Variants in DIAPH2 observed in about 807,000 individuals in gnomAD.
DIAPH2 encodes protein diaphanous homolog 2.
DIAPH2 carries 35 observed loss-of-function variants against 92.7 expected under a neutral mutation model. The ratio of observed to expected loss-of-function variants is 0.38; its 90% CI spans 0.29 to 0.50. DIAPH2 has a LOEUF of 0.50. Ranked by LOEUF, DIAPH2 falls within the 20% of genes least tolerant of loss-of-function variation. The pLI is 0.94. For synonymous variants in DIAPH2, 301 were observed against 280.4 expected (o/e 1.07, Z -0.73); for missense variants, 701 against 819.5 (o/e 0.86, Z 1.77).
At chrX:97,507,571 T>C (rs1479291112) in intron 26 of DIAPH2, among the ~76,000 whole-genome samples, 2 of 111,795 alleles carry the variant, frequency 1.8e-5, no homozygotes, top group African/African-American at 3.2e-5. Flanking sequence ...GAAAGCTTTC[T>C]GAAATGGTGA....
chrX:96,809,593 G>C lies in DIAPH2; in HGVS notation c.447+51335G>C, dbSNP rs192120597. Among the ~76,000 whole-genome samples the C allele has an allele frequency of 9.3e-5, 10 of 108,088 alleles. No individual in the cohort carries two copies. In the Admixed American group the frequency reaches 9.9e-4, roughly 11 times the overall value. 93.9% of individuals were successfully genotyped at this position (108,088 alleles called of 115,157 possible). ...GCAGGTTTGTTACACAGGTATACAT[G>C]TGCCATGTTGGTTTGCTGCACCCAT... On this transcript the variant is annotated intron_variant, in intron 4 of 26. Transcript: ENST00000324765.
chrX:97,396,020 AGAGCAGGTAAGTG>A (rs2069700319), intron 25 of DIAPH2, among the ~76,000 whole-genome samples: 1 of 112,532 alleles, frequency 8.9e-6, no homozygotes, highest in African/African-American at 3.2e-5. Context: ...TGAAAATATT[AGAGCAGGTAAGTG>A]AAAACAATAA....
intron 4 of DIAPH2, among the ~76,000 whole-genome samples, chrX:96,850,992 G>A (rs376353586): frequency 1.9e-4 from 21 of 112,061 alleles, no homozygotes; most frequent in African/African-American, 6.8e-4. Context: ...ATTCTACAGT[G>A]AGGTACAATG....
At chrX:96,882,736 C>T (rs778603325) in intron 5 of DIAPH2, among the ~76,000 whole-genome samples, 10 of 109,689 alleles carry the variant, frequency 9.1e-5, no homozygotes, top group Admixed American at 8.8e-4. Context: ...GCAAGTGGAT[C>T]GCTTGAGTCC....
chrX:96,901,782 G>A (rs1403008064), intron 5 of DIAPH2, among the ~76,000 whole-genome samples: 1 of 109,739 alleles, frequency 9.1e-6, no homozygotes, highest in Non-Finnish European at 1.9e-5. Context: ...TGATCTGCCC[G>A]CCTTGGCCTC....
At chrX:97,363,552 G>A (rs1185249201) in intron 24 of DIAPH2, among the ~76,000 whole-genome samples, 1 of 104,888 alleles carries the variant, frequency 9.5e-6, no homozygotes, top group Non-Finnish European at 1.9e-5. Context: ...TGTAATCCCA[G>A]CTATTTAAGA....
At chrX:96,880,818 C>T (rs2065208511) in intron 4 of DIAPH2, among the ~76,000 whole-genome samples, 2 of 111,162 alleles carry the variant, frequency 1.8e-5, no homozygotes, top group South Asian at 7.7e-4. Flanking sequence ...TATTTTCCTC[C>T]CAGCCTTTTC....
intron 4 of DIAPH2, among the ~76,000 whole-genome samples, chrX:96,808,429 C>A (rs62597677): frequency 3.5e-4 from 39 of 111,717 alleles, no homozygotes; most frequent in Non-Finnish European, 6.6e-4. Context: ...CATTCTTTCT[C>A]TATCCCACCT....
At chrX:96,811,151 CATGG>C (rs1374116640) in intron 4 of DIAPH2, among the ~76,000 whole-genome samples, 2 of 111,885 alleles carry the variant, frequency 1.8e-5, no homozygotes, top group Non-Finnish European at 3.8e-5. Context: ...TATCCATGAG[CATGG>C]AATGTTCTTC....
intron 17 of DIAPH2, among the ~76,000 whole-genome samples, chrX:97,056,108 A>G (rs28514320): frequency 0.39 from 42,888 of 110,326 alleles, 6,688 homozygotes; most frequent in South Asian, 0.54. Context: ...TTCATTGATT[A>G]CATACTTTAA....
At position 97,133,578 on chromosome X, in the gene DIAPH2, C is replaced by T. The variant is rs530043919; in HGVS notation, c.2590-8087C>T. ...CTGAGATTATAGGCGTGAGCCACTA[C>T]GTCCGGCCAAGAGAACTGTTTTCTG... On this transcript the variant is annotated intron_variant, in intron 21 of 26. Coordinates refer to ENST00000324765, the MANE Select transcript of DIAPH2 (RefSeq NM_006729.5). Among the ~76,000 whole-genome samples the T allele has an allele frequency of 4.4e-4, 49 of 112,283 alleles. No individual in the cohort carries two copies. The South Asian group carries it at 0.018, about 40-fold the overall frequency.
intron 24 of DIAPH2, among the ~76,000 whole-genome samples, chrX:97,351,937 G>C (rs1309996285): frequency 9.0e-6 from 1 of 111,298 alleles, no homozygotes; most frequent in Non-Finnish European, 1.9e-5. Flanking sequence ...ACCAACTTCA[G>C]TCAATCCTTT....
chrX:97,530,347 C>T (rs2071051385), intron 26 of DIAPH2, among the ~76,000 whole-genome samples: 1 of 111,784 alleles, frequency 8.9e-6, no homozygotes, highest in African/African-American at 3.3e-5. Flanking sequence ...ATGTTCAGGG[C>T]CCTCCACAGA....
At chrX:97,519,233 A>T (rs2070973076) in intron 26 of DIAPH2, among the ~76,000 whole-genome samples, 1 of 111,916 alleles carries the variant, frequency 8.9e-6, no homozygotes, top group Non-Finnish European at 1.9e-5. Context: ...TGAAAATAAT[A>T]TTTTACAAGA....
intron 22 of DIAPH2, among the ~76,000 whole-genome samples, chrX:97,167,389 A>C (rs2067420074): frequency 8.9e-6 from 1 of 111,852 alleles, no homozygotes; most frequent in Non-Finnish European, 1.9e-5. Flanking sequence ...TCCATTAACC[A>C]TCAAAGCAGC....
At chrX:97,466,584 T>G (rs776151760) in intron 26 of DIAPH2, among the ~76,000 whole-genome samples, 1 of 111,890 alleles carries the variant, frequency 8.9e-6, no homozygotes, top group African/African-American at 3.2e-5. Context: ...ATTGAAATGC[T>G]TAGGACACAC....
At chrX:97,543,497 T>A (rs975778391) in intron 26 of DIAPH2, among the ~76,000 whole-genome samples, 1 of 110,113 alleles carries the variant, frequency 9.1e-6, no homozygotes, top group African/African-American at 3.3e-5. Context: ...TTAGGAAGAA[T>A]TTTTTTTTCT....
In DIAPH2 at chrX:97,488,331, C is replaced by T. The variant is rs763097329; in HGVS notation, c.3241+58586C>T. Among the ~76,000 whole-genome samples, 6 of 112,179 alleles carry T rather than the reference C, an allele frequency of 5.3e-5. 1 individual carries two copies. Among genetic ancestry groups the T allele is most frequent in the African/African-American group, 1.6e-4 (5 of 30,896 alleles). On this transcript the variant is annotated intron_variant, in intron 26 of 26. Coordinates refer to ENST00000324765, the MANE Select transcript of DIAPH2 (RefSeq NM_006729.5). ...GATCTTGAGTTATTTGAGTTCCTTA[C>T]GTATTTGACACATTTTGCATAGTTA...
At chrX:97,013,147 A>T (rs992070091) in intron 17 of DIAPH2, among the ~76,000 whole-genome samples, 4 of 112,221 alleles carry the variant, frequency 3.6e-5, no homozygotes, top group Non-Finnish European at 7.5e-5. Flanking sequence ...GATTTCTTTA[A>T]TGCCAGCACT....
Sources: allele counts gnomAD v4.1 joint callset (sites outside exome capture counted in the v4.1 genomes callset), GRCh38; gene constraint gnomAD v4.1.1; transcripts MANE v1.5; gene names NCBI Gene and HGNC (gene_info 2026-07-23, HGNC 2026-07-21).